ACTR3B: variants seen among roughly 807,000 people sequenced by gnomAD.
ACTR3B encodes the protein actin-related protein 3B.
A neutral mutation model predicts 59.0 loss-of-function variants in ACTR3B; 8 were observed. The observed-to-expected ratio is 0.14, with a 90% CI of 0.08 to 0.24. ACTR3B has a LOEUF of 0.24. Ranked by LOEUF, ACTR3B falls within the 10% of genes least tolerant of loss-of-function variation. The pLI, the probability that ACTR3B is intolerant of heterozygous loss-of-function variation, is 1.00. For synonymous variants in ACTR3B, 148 were observed against 197.9 expected (o/e 0.75, Z 2.12); for missense variants, 245 against 552.3 (o/e 0.44, Z 5.58).
intron 4 of ACTR3B, among the ~76,000 whole-genome samples, chr7:152,810,284 T>G (rs1590329041): frequency 1.3e-5 from 2 of 152,172 alleles, no homozygotes; most frequent in East Asian, 1.9e-4. Flanking sequence ...TTTTTGTATT[T>G]TTAGCAGAGA....
chr7:152,760,006 A>T, intron 1 of ACTR3B, 80 bp downstream of exon 1: 2 of 1,215,598 alleles, frequency 1.6e-6, no homozygotes, highest in South Asian at 5.1e-5. Flanking sequence ...CTGGAGGTCG[A>T]GCTGCGTCCG....
rs570228653 is a variant in ACTR3B at position 152,844,394 on chromosome 7, AAAAT to A, written c.952-7731_952-7728del. ...TTTTTAAATAAAATGTTTTTTTAAA[AAAAT>A]CTATTACATTAATTTGTTGGCTTAA... On this transcript the variant is annotated intron_variant, in intron 9 of 11. Transcript: ENST00000256001. Among the ~76,000 whole-genome samples, 33 of 152,306 alleles carry A rather than the reference AAAAT, an allele frequency of 2.2e-4. No individual in the cohort carries two copies. In the South Asian group the frequency reaches 6.6e-3, roughly 31 times the overall value.
At chr7:152,760,557 C>G (rs2098086415) in intron 1 of ACTR3B, among the ~76,000 whole-genome samples, 1 of 152,222 alleles carries the variant, frequency 6.6e-6, no homozygotes, top group South Asian at 2.1e-4. Flanking sequence ...TCAGGCCAAG[C>G]TGTCCCTTTG....
At chr7:152,834,567 A>T (rs936055189) in intron 9 of ACTR3B, among the ~76,000 whole-genome samples, 3 of 152,232 alleles carry the variant, frequency 2.0e-5, no homozygotes, top group African/African-American at 7.2e-5. Flanking sequence ...TAACAGCATT[A>T]TGTTGTGAGC....
intron 9 of ACTR3B, among the ~76,000 whole-genome samples, chr7:152,850,742 T>C (rs1042709462): frequency 4.6e-5 from 7 of 151,930 alleles, no homozygotes; most frequent in Non-Finnish European, 1.0e-4. Context: ...AGAACCTGGG[T>C]TGCTAGGGAC....
chr7:152,761,140 C>CT (rs2098088132), intron 1 of ACTR3B, among the ~76,000 whole-genome samples: 1 of 152,140 alleles, frequency 6.6e-6, no homozygotes, highest in Admixed American at 6.6e-5. Flanking sequence ...TGTGTGAATT[C>CT]TTTTTGAAAT....
chr7:152,831,218 A>G (rs573005952), intron 9 of ACTR3B, among the ~76,000 whole-genome samples: 67 of 152,376 alleles, frequency 4.4e-4, no homozygotes, highest in African/African-American at 1.5e-3. Flanking sequence ...GCTCACAAGA[A>G]CATTAAGACA....
rs1367043050 is a variant in ACTR3B at position 152,790,015 on chromosome 7, T to A, written c.100+6773T>A. ...ACTCTTTCTTTTTTTTTTTTTTTTTTTTTTGAGGCACTGTACTTTAAGGCT... is the reference window on the plus strand; with the variant it reads ...ACTCTTTCTTTTTTTTTTTTTTTTTATTTTGAGGCACTGTACTTTAAGGCT... On this transcript the variant is annotated intron_variant, in intron 2 of 11. Transcript: ENST00000256001. Among the ~76,000 whole-genome samples, 4 of 151,284 alleles carry A rather than the reference T, an allele frequency of 2.6e-5. No individual in the cohort carries two copies. In the East Asian group the frequency reaches 7.7e-4, roughly 29 times the overall value.
At chr7:152,799,839 A>G (rs558787226) in intron 2 of ACTR3B, among the ~76,000 whole-genome samples, 2 of 152,374 alleles carry the variant, frequency 1.3e-5, no homozygotes, top group South Asian at 4.1e-4. Flanking sequence ...GATGCCCTCC[A>G]CATTTCATTA....
At chr7:152,764,204 G>A (rs1331374160) in intron 1 of ACTR3B, among the ~76,000 whole-genome samples, 2 of 151,688 alleles carry the variant, frequency 1.3e-5, no homozygotes, top group African/African-American at 4.8e-5. Flanking sequence ...ATGGGGTTTT[G>A]TCATGTTGGC....
intron 1 of ACTR3B, 76 bp downstream of exon 1, chr7:152,760,002 G>A (rs765558859): frequency 1.6e-6 from 2 of 1,220,476 alleles, no homozygotes; most frequent in East Asian, 3.2e-5. Context: ...TCGCCTGGAG[G>A]TCGAGCTGCG....
chr7:152,820,503 C>G (rs1796059718), intron 7 of ACTR3B, 61 bp downstream of exon 7: 3 of 1,544,540 alleles, frequency 1.9e-6, no homozygotes, highest in Admixed American at 1.9e-5. Context: ...CTGGACACTT[C>G]CCCTTGGTGC....
At chr7:152,838,734 G>C (rs1797657793) in intron 9 of ACTR3B, among the ~76,000 whole-genome samples, 1 of 152,256 alleles carries the variant, frequency 6.6e-6, no homozygotes, top group Admixed American at 6.5e-5. Context: ...GTCAGATGTA[G>C]AGGTTTTTAC....
At chr7:152,817,482 AT>A (rs1325359023) in intron 6 of ACTR3B, among the ~76,000 whole-genome samples, 8 of 152,186 alleles carry the variant, frequency 5.3e-5, no homozygotes, top group African/African-American at 1.9e-4. Context: ...GTGATTCCTA[AT>A]TTGGGTTTCA....
intron 2 of ACTR3B, among the ~76,000 whole-genome samples, chr7:152,788,269 A>C (rs1298204966): frequency 6.6e-6 from 1 of 151,614 alleles, no homozygotes. Flanking sequence ...ATTATTATTT[A>C]TAGATTAATT....
chr7:152,814,582 A>C lies in ACTR3B; in HGVS notation c.369A>C (p.Arg123Ser). Residue 123 changes from arginine (R) to serine (S), a missense_variant, in exon 5 of 12, where the codon AGA becomes AGC. By Grantham distance (110) the Arg-to-Ser change is moderately radical. This residue lies in a region of ACTR3B where 40 missense variants were observed against 70.4 expected (regional missense o/e 0.57). Coordinates refer to ENST00000256001, the MANE Select transcript of ACTR3B (RefSeq NM_020445.6). ...TEPPLNTPEN[R>S]EYLAEIMFES... is the part of the protein sequence containing the mutation. ...CTCCACTCAATACACCAGAAAACAGAGAGTATCTTGCAGAAATTATGTTTG... is the reference window on the plus strand; with the variant it reads ...CTCCACTCAATACACCAGAAAACAGCGAGTATCTTGCAGAAATTATGTTTG... 6.2e-7 allele frequency: 1 copy of C among 1,613,516 alleles called. No homozygotes were observed.
chr7:152,778,808 T>G (rs1043991560), intron 1 of ACTR3B, among the ~76,000 whole-genome samples: 44 of 151,326 alleles, frequency 2.9e-4, no homozygotes, highest in Non-Finnish European at 5.6e-4. Context: ...CCGGGTGTGA[T>G]GGCCTGTGCC....
In ACTR3B at chr7:152,842,239, A is replaced by G. The variant is rs147132422; in HGVS notation, c.952-9887A>G. The stretch of plus-strand genomic sequence containing the variant: ...ATACTTTTGATAAAGTTTATAAATT[A>G]GGCACAGTAAGAGACTAGCAGCAAT... On this transcript the variant is annotated intron_variant, in intron 9 of 11. Transcript: ENST00000256001. Among the ~76,000 whole-genome samples, 20 of 152,340 alleles carry G rather than the reference A, an allele frequency of 1.3e-4. No homozygotes were observed. The East Asian group carries it at 3.7e-3, about 28-fold the overall frequency.
chr7:152,852,153 A>G lies in ACTR3B; in HGVS notation c.979A>G (p.Met327Val). ...TGTCGTACTCTCAGGAGGCTCCACC[A>G]TGTTCAGGGATTTCGGACGCCGACT... ...KNVVLSGGST[M>V]FRDFGRRLQR... The change falls in exon 10 of 12, where the codon ATG becomes GTG. Residue 327 changes from methionine (M) to valine (V), a missense_variant. Around this residue, in one of 7 missense-constraint regions of ACTR3B, gnomAD observed 153 missense variants for 266.2 expected, o/e 0.57. Coordinates refer to ENST00000256001, the MANE Select transcript of ACTR3B (RefSeq NM_020445.6). The G allele has an allele frequency of 6.2e-7, 1 of 1,613,980 alleles. No homozygotes were observed. The highest frequency in any genetic ancestry group is 8.5e-7 in the Non-Finnish European group (1 of 1,179,958).
Sources: allele counts gnomAD v4.1 joint callset (sites outside exome capture counted in the v4.1 genomes callset), GRCh38; gene constraint gnomAD v4.1.1; regional missense constraint gnomAD v4.1.1; transcripts MANE v1.5; gene names NCBI Gene and HGNC (gene_info 2026-07-23, HGNC 2026-07-21).